The following JMJD1C variants were observed in gnomAD, a reference collection of about 807,000 sequenced individuals.
JMJD1C encodes the protein jumonji domain containing 1C.
Under a neutral mutation model 245.3 loss-of-function variants are expected in JMJD1C, and 31 were observed. That is an observed-to-expected ratio of 0.13 (90% CI 0.09 to 0.17). The LOEUF is 0.17. Ranked by LOEUF, JMJD1C falls within the 10% of genes least tolerant of loss-of-function variation. JMJD1C has a pLI of 1.00. For missense variants in JMJD1C, 2,691 were observed against 3,000.2 expected, an observed-to-expected ratio of 0.90 and a Z score of 2.41; for synonymous variants, 1,057 against 1,017.4, an observed-to-expected ratio of 1.04 and a Z score of -0.74.
intron 2 of JMJD1C, among the ~76,000 whole-genome samples, chr10:63,271,012 T>C (rs1169648429): frequency 6.6e-6 from 1 of 152,168 alleles, no homozygotes; most frequent in East Asian, 1.9e-4. Context: ...CAACCACGCT[T>C]CTGTATTACA....
At chr10:63,255,040 G>A (rs949554668) in intron 3 of JMJD1C, among the ~76,000 whole-genome samples, 1 of 151,546 alleles carries the variant, frequency 6.6e-6, no homozygotes, top group Non-Finnish European at 1.5e-5. Flanking sequence ...TTTGTAGACA[G>A]GGGTTCTCCC....
intron 1 of JMJD1C, among the ~76,000 whole-genome samples, chr10:63,424,239 T>C (rs1950297733): frequency 6.6e-6 from 1 of 151,710 alleles, no homozygotes; most frequent in African/African-American, 2.4e-5. Flanking sequence ...TTTTTTTTTT[T>C]TTTTTTAAGT....
chr10:63,457,902 A>G, intron 1 of JMJD1C, among the ~76,000 whole-genome samples: 1 of 152,332 alleles, frequency 6.6e-6, no homozygotes, highest in East Asian at 1.9e-4. Flanking sequence ...TTGCCAGACA[A>G]AACAGTAAAC....
At chr10:63,407,248 T>C (rs1226963466) in intron 1 of JMJD1C, among the ~76,000 whole-genome samples, 1 of 152,190 alleles carries the variant, frequency 6.6e-6, no homozygotes, top group Non-Finnish European at 1.5e-5. Context: ...GAAAAGGTTA[T>C]GAAAGGGTCC....
rs375164892 is a variant in JMJD1C at position 63,387,889 on chromosome 10, C to G, written c.169-7407G>C. ...TGACCTTGTGATCTGCCTGTCTCAG[C>G]CTCCCAAAGTGCTGGGATTACAGGC... On this transcript the variant is annotated intron_variant, in intron 1 of 25. Coordinates refer to ENST00000399262, the MANE Select transcript of JMJD1C (RefSeq NM_032776.3). Among the ~76,000 whole-genome samples, 73 of 151,952 alleles carry G rather than the reference C, an allele frequency of 4.8e-4. 1 individual carries two copies. In the South Asian group the frequency reaches 0.015, roughly 31 times the overall value.
In JMJD1C at chr10:63,266,602, A is replaced by T. The variant is rs2133799379; in HGVS notation, c.334-1838T>A. 2.6e-5 allele frequency among the ~76,000 whole-genome samples: 4 copies of T among 152,276 alleles called. 1 individual carries two copies. The highest frequency in any genetic ancestry group is 2.6e-4 in the Admixed American group (4 of 15,294). ...CAGTTTAGTTTTTAAGTAAACTAGA[A>T]AACACTGGCATCTTCTCAAGAGGAC... On this transcript the variant is annotated intron_variant, in intron 2 of 25. Coordinates refer to ENST00000399262, the MANE Select transcript of JMJD1C (RefSeq NM_032776.3).
At chr10:63,410,262 C>CT (rs567993253) in intron 1 of JMJD1C, among the ~76,000 whole-genome samples, 2 of 152,244 alleles carry the variant, frequency 1.3e-5, no homozygotes, top group East Asian at 3.9e-4. Flanking sequence ...TATTGCATGG[C>CT]TTTTGTGTAC....
In JMJD1C at chr10:63,350,809, C is replaced by T. The variant is rs867770660; in HGVS notation, c.333+29509G>A. Among the ~76,000 whole-genome samples, 6 of 151,744 alleles carry T rather than the reference C, an allele frequency of 4.0e-5. No individual in the cohort carries two copies. In the Middle Eastern group the frequency reaches 0.01, roughly 258 times the overall value. On this transcript the variant is annotated intron_variant, in intron 2 of 25. Transcript: ENST00000399262. ...TTTTTTTGTATTTGTTTAGTAGAGA[C>T]GGGGTTTCACCATGTTAGCCAGGAT... is the stretch of plus-strand genomic sequence containing the variant.
chr10:63,410,061 T>C (rs1413251221), intron 1 of JMJD1C, among the ~76,000 whole-genome samples: 1 of 152,140 alleles, frequency 6.6e-6, no homozygotes, highest in African/African-American at 2.4e-5. Context: ...CTTCTCTAGA[T>C]GTATTAAAAG....
At chr10:63,460,445 G>A (rs1054164483) in intron 1 of JMJD1C, among the ~76,000 whole-genome samples, 2 of 152,138 alleles carry the variant, frequency 1.3e-5, no homozygotes, top group Non-Finnish European at 2.9e-5. Context: ...CCTGAGTTGA[G>A]GAGTTCCAGG....
intron 24 of JMJD1C, 129 bp downstream of exon 24, chr10:63,176,168 G>A: frequency 1.9e-6 from 1 of 521,860 alleles, no homozygotes; most frequent in Non-Finnish European, 3.3e-6. Context: ...TTCTAATAAA[G>A]GCAGACTGGT....
At position 63,465,530 on chromosome 10, in the gene JMJD1C, C is replaced by CGGCTCGGATGACCCCCG. The variant is rs1953181775; in HGVS notation, c.116_132dup (p.Val45ArgfsTer49). 6.2e-7 allele frequency: 1 copy of CGGCTCGGATGACCCCCG among 1,604,336 alleles called. No homozygotes were observed. The highest frequency in any genetic ancestry group is 8.5e-7 in the Non-Finnish European group (1 of 1,178,130). On this transcript the variant is annotated frameshift_variant, in exon 1 of 26. Coordinates refer to ENST00000399262, the MANE Select transcript of JMJD1C (RefSeq NM_032776.3). LOFTEE classifies it high-confidence loss of function. ...GGATTGCGGCTGTCCCTGTGTGACACGGCTCGGATGACCCCCGCTCGCCAG... is the reference window on the plus strand; with the variant it reads ...GGATTGCGGCTGTCCCTGTGTGACACGGCTCGGATGACCCCCGGGCTCGGATGACCCCCGCTCGCCAG...
intron 2 of JMJD1C, among the ~76,000 whole-genome samples, chr10:63,285,229 C>T (rs1857854453): frequency 1.3e-5 from 2 of 152,146 alleles, no homozygotes; most frequent in South Asian, 4.1e-4. Context: ...CTTAACAACA[C>T]CTGGAACCAA....
At chr10:63,431,884 T>C (rs929240792) in intron 1 of JMJD1C, among the ~76,000 whole-genome samples, 1 of 152,144 alleles carries the variant, frequency 6.6e-6, no homozygotes, top group Non-Finnish European at 1.5e-5. Flanking sequence ...TGGTGGTGCA[T>C]GCCTGTAGTC....
At chr10:63,454,386 T>G (rs557579842) in intron 1 of JMJD1C, among the ~76,000 whole-genome samples, 1 of 151,570 alleles carries the variant, frequency 6.6e-6, no homozygotes. Context: ...GCCTCCAGAG[T>G]AGCCGGGATT....
upstream of JMJD1C, among the ~76,000 whole-genome samples, chr10:63,468,074 T>A (rs1953371700): frequency 6.6e-6 from 1 of 152,188 alleles, no homozygotes; most frequent in South Asian, 2.1e-4. Context: ...CCACTACATG[T>A]TGAATTCCAT....
intron 11 of JMJD1C, 100 bp downstream of exon 11, chr10:63,200,376 C>T (rs1348152511): frequency 2.4e-6 from 2 of 830,568 alleles, no homozygotes; most frequent in Non-Finnish European, 3.9e-6. Flanking sequence ...GACTCAAAGA[C>T]TTACTCCCCC....
At chr10:63,271,581 C>T (rs1030629859) in intron 2 of JMJD1C, among the ~76,000 whole-genome samples, 4 of 151,796 alleles carry the variant, frequency 2.6e-5, no homozygotes, top group South Asian at 2.1e-4. Context: ...GATAGAGTTT[C>T]GCTCATGTTG....
chr10:63,206,463 T>C, intron 10 of JMJD1C, 132 bp downstream of exon 10: 1 of 602,594 alleles, frequency 1.7e-6, no homozygotes, highest in Non-Finnish European at 2.8e-6. Context: ...TCAATGAGCA[T>C]ATACATAAAG....
Sources: allele counts gnomAD v4.1 joint callset (sites outside exome capture counted in the v4.1 genomes callset), GRCh38; gene constraint gnomAD v4.1.1; transcripts MANE v1.5; gene names NCBI Gene and HGNC (gene_info 2026-07-23, HGNC 2026-07-21).